The following RFT1 variants were observed in gnomAD, a reference collection of about 807,000 sequenced individuals.
RFT1 encodes the protein man(5)GlcNAc(2)-PP-dolichol translocation protein RFT1.
In RFT1, 43 loss-of-function variants were observed where a neutral mutation model predicts 62.2. That is an observed-to-expected ratio of 0.69 (90% CI 0.54 to 0.89). The LOEUF (loss-of-function observed/expected upper bound fraction) is 0.89. Among genes scored for constraint, RFT1 ranks in the 40% least tolerant of loss-of-function variants. RFT1 has a pLI of 0.00. For missense variants in RFT1, 605 were observed against 649.9 expected (o/e 0.93, Z 0.75); for synonymous variants, 262 against 264.6 (o/e 0.99, Z 0.10).
At chr3:53,118,295 C>A (rs961598534) in intron 6 of RFT1, among the ~76,000 whole-genome samples, 3 of 152,180 alleles carry the variant, frequency 2.0e-5, no homozygotes, top group Non-Finnish European at 2.9e-5. Context: ...AACTCTTCTG[C>A]ACTCTCGGAC....
rs573261180 is a variant in RFT1, at chr3:53,119,122, G to C, written c.696+762C>G. Among the ~76,000 whole-genome samples the C allele has an allele frequency of 4.7e-4, 72 of 152,124 alleles. 1 individual carries two copies. The South Asian group carries it at 0.015, about 31-fold the overall frequency. ...CCAGCTACTTGGGAGACTGAGGCAG[G>C]AGGATCACTTGAGCCCAGGAGGTCA... On this transcript the variant is annotated intron_variant, in intron 6 of 12. Transcript: ENST00000296292.
At chr3:53,124,226 T>C (rs1045061393) in intron 2 of RFT1, among the ~76,000 whole-genome samples, 1 of 152,200 alleles carries the variant, frequency 6.6e-6, no homozygotes, top group Admixed American at 6.5e-5. Context: ...TGAGAAAAGC[T>C]GAGCCTCTAC....
chr3:53,102,756 C>T (rs1701354355), intron 10 of RFT1, among the ~76,000 whole-genome samples: 1 of 152,276 alleles, frequency 6.6e-6, no homozygotes, highest in South Asian at 2.1e-4. Context: ...AGGGTGAAGA[C>T]AAAGACAAGT....
the RFT1 span, among the ~76,000 whole-genome samples, chr3:53,068,659 C>G: frequency 2.0e-5 from 3 of 152,332 alleles, no homozygotes; most frequent in East Asian, 5.8e-4. Context: ...GTCCCCTGCA[C>G]TCCCTCTAGA....
the RFT1 span, among the ~76,000 whole-genome samples, chr3:53,082,593 G>A: frequency 4.6e-5 from 7 of 152,232 alleles, no homozygotes; most frequent in African/African-American, 1.7e-4. Flanking sequence ...CCCCAGTTGT[G>A]TGGCTCAGGG....
chr3:53,113,888 T>C (rs1701719454), intron 6 of RFT1, among the ~76,000 whole-genome samples: 1 of 152,198 alleles, frequency 6.6e-6, no homozygotes, highest in Non-Finnish European at 1.5e-5. Flanking sequence ...CTTTACTCCT[T>C]GGTTTCTGAG....
rs564231313 is a variant in RFT1, at chr3:53,094,308, G to C, written c.1209-1690C>G. Among the ~76,000 whole-genome samples, 34 of 151,970 alleles carry C rather than the reference G, an allele frequency of 2.2e-4. No individual in the cohort carries two copies. The South Asian group carries it at 6.9e-3, about 31-fold the overall frequency. Reference sequence around the variant, plus strand: ...GATTCAGGCCAAGGTGCTGTGTGCTGTGGAGATACGCTTTATCAAAGTGGG... The same window carrying C: ...GATTCAGGCCAAGGTGCTGTGTGCTCTGGAGATACGCTTTATCAAAGTGGG... On this transcript the variant is annotated intron_variant, in intron 11 of 12. Transcript: ENST00000296292.
At chr3:53,083,361 A>G in the RFT1 span, among the ~76,000 whole-genome samples, 2 of 149,746 alleles carry the variant, frequency 1.3e-5, no homozygotes, top group Non-Finnish European at 3.0e-5. Context: ...AAAATTAAAA[A>G]AAAAAAAAAA....
chr3:53,100,969 C>CA (rs74496775), intron 10 of RFT1, among the ~76,000 whole-genome samples: 45,934 of 151,394 alleles, frequency 0.3, 7,079 homozygotes, highest in Middle Eastern at 0.38. Context: ...AAAAAACTCC[C>CA]AAAAAAAACA....
the RFT1 span, among the ~76,000 whole-genome samples, chr3:53,075,843 T>A: frequency 6.6e-6 from 1 of 151,862 alleles, no homozygotes; most frequent in East Asian, 1.9e-4. Flanking sequence ...AGGGAAGTAG[T>A]AAAAGTGGCC....
chr3:53,081,309 C>T, the RFT1 span, among the ~76,000 whole-genome samples: 1 of 152,196 alleles, frequency 6.6e-6, no homozygotes, highest in Non-Finnish European at 1.5e-5. Flanking sequence ...GCTGGCTCAG[C>T]CACAGCAGGC....
the RFT1 span, chr3:53,077,988 C>T: frequency 6.6e-6 from 1 of 152,264 alleles, no homozygotes; most frequent in African/African-American, 2.4e-5. Context: ...CCTACAGGTC[C>T]TGAGTCTCAG....
Position 53,093,759 on chromosome 3 carries a change from A to T in RFT1, c.1209-1141T>A, listed in dbSNP as rs145265744. Reference sequence around the variant, plus strand: ...AAATTACCCAGGGTTGGTGGCACACACCTGCAGTCCTAGCTACTCGGGAGG... The same window carrying T: ...AAATTACCCAGGGTTGGTGGCACACTCCTGCAGTCCTAGCTACTCGGGAGG... On this transcript the variant is annotated intron_variant, in intron 11 of 12. Transcript: ENST00000296292. 2.3e-3 allele frequency among the ~76,000 whole-genome samples: 348 copies of T among 152,208 alleles called. 2 individuals carry two copies. The highest frequency in any genetic ancestry group is 7.4e-3 in the African/African-American group (306 of 41,530).
intron 10 of RFT1, among the ~76,000 whole-genome samples, chr3:53,101,665 G>C (rs1391836513): frequency 6.6e-6 from 1 of 152,148 alleles, no homozygotes; most frequent in African/African-American, 2.4e-5. Flanking sequence ...TTGGAAACAG[G>C]GTGTTCATGA....
At position 53,092,517 on chromosome 3, in the gene RFT1, A is replaced by G; in HGVS notation, c.1310T>C (p.Phe437Ser). Residue 437 changes from phenylalanine (F) to serine (S), a missense_variant, in exon 12 of 13, where the codon TTT (phenylalanine) becomes TCT (serine). Coordinates refer to ENST00000296292, the MANE Select transcript of RFT1 (RefSeq NM_052859.4). ...CTGCGTGATCCGAATGCCCATGTTA[A>G]AGCAGTTGGCCAAGATGAAGCCCAC... is the stretch of plus-strand genomic sequence containing the variant. The part of the protein sequence containing the change: ...GSVGFILANC[F>S]NMGIRITQSL... The G allele has an allele frequency of 2.5e-6, 4 of 1,612,546 alleles. No homozygotes were observed. The highest frequency in any genetic ancestry group is 3.4e-6 in the Non-Finnish European group (4 of 1,179,646).
chr3:53,099,040 C>T (rs1467938931), intron 11 of RFT1, among the ~76,000 whole-genome samples: 2 of 152,136 alleles, frequency 1.3e-5, no homozygotes, highest in Non-Finnish European at 2.9e-5. Flanking sequence ...TGGAGGACCA[C>T]TCTTCTGGGG....
At chr3:53,101,271 G>A (rs913847274) in intron 10 of RFT1, among the ~76,000 whole-genome samples, 1 of 152,216 alleles carries the variant, frequency 6.6e-6, no homozygotes. Flanking sequence ...CCAGCTGACG[G>A]TGACTCCAGG....
chr3:53,081,346 G>T, the RFT1 span, among the ~76,000 whole-genome samples: 202 of 152,322 alleles, frequency 1.3e-3, no homozygotes, highest in Admixed American at 4.8e-3. Context: ...TAGGGGTGAG[G>T]GTGGAGAGGA....
In RFT1 at chr3:53,089,925, C is replaced by A. The variant is rs1314271030; in HGVS notation, c.*1978G>T. On this transcript the variant is annotated 3_prime_UTR_variant, in exon 13 of 13. Transcript: ENST00000296292. ...CAGAGACCCCGGAGTCACAAGGCTG[C>A]TTGTAGAGCAGCAGCTCTGTTCCTG... 1.3e-5 allele frequency: 2 copies of A among 152,710 alleles called. No individual in the cohort carries two copies. Among genetic ancestry groups the A allele is most frequent in the Non-Finnish European group, 2.9e-5 (2 of 68,118 alleles). The allele number at this position is 152,710 out of a possible 1,614,324, so 9.5% of individuals were successfully genotyped here.
Sources: allele counts gnomAD v4.1 joint callset (sites outside exome capture counted in the v4.1 genomes callset), GRCh38; gene constraint gnomAD v4.1.1; transcripts MANE v1.5; gene names NCBI Gene and HGNC (gene_info 2026-07-23, HGNC 2026-07-21).